The following BRD1 variants were observed in gnomAD, a reference collection of about 807,000 sequenced individuals.
BRD1 encodes the protein bromodomain containing 1, also known as bromodomain-containing protein 1.
A neutral mutation model predicts 107.7 loss-of-function variants in BRD1; 24 were observed. The ratio of observed to expected loss-of-function variants is 0.22; its 90% confidence interval spans 0.16 to 0.31. The LOEUF (loss-of-function observed/expected upper bound fraction) is 0.31, where lower values mean the gene tolerates loss of function less well. Among genes scored for constraint, BRD1 ranks in the 10% least tolerant of loss-of-function variants. The pLI is 1.00. For missense variants in BRD1, 1,279 were observed against 1,638.6 expected, an observed-to-expected ratio of 0.78 and a Z score of 3.79; for synonymous variants, 744 against 686.1, an observed-to-expected ratio of 1.08 and a Z score of -1.32.
At chr22:49,791,294 G>A (rs572386073) in intron 7 of BRD1, among the ~76,000 whole-genome samples, 17 of 152,348 alleles carry the variant, frequency 1.1e-4, no homozygotes, top group Admixed American at 2.6e-4. Context: ...GGGGCAGACC[G>A]GGGCCAACAG....
chr22:49,790,246 A>G (rs181828969), intron 7 of BRD1, among the ~76,000 whole-genome samples: 2 of 152,256 alleles, frequency 1.3e-5, no homozygotes, highest in East Asian at 3.9e-4. Flanking sequence ...AATCAGAAAA[A>G]AACAGGACCT....
chr22:49,814,055 G>GAAA (rs2147299891), intron 2 of BRD1, among the ~76,000 whole-genome samples: 1 of 151,972 alleles, frequency 6.6e-6, no homozygotes, highest in African/African-American at 2.4e-5. Context: ...GTGCACGAAC[G>GAAA]GAATTCCATG....
At chr22:49,822,919 T>C in intron 2 of BRD1, 32 bp downstream of exon 2, 1 of 1,605,844 alleles carries the variant, frequency 6.2e-7, no homozygotes, top group African/African-American at 1.3e-5. Flanking sequence ...CACTGCAGGC[T>C]CCTTGTGGAC....
chr22:49,827,317 G>C (rs1380039313), intron 1 of BRD1, among the ~76,000 whole-genome samples, 180 bp downstream of exon 1: 1 of 149,320 alleles, frequency 6.7e-6, no homozygotes, highest in Non-Finnish European at 1.5e-5. Flanking sequence ...CTCCCCGCCC[G>C]GCCTCCCCGG....
rs914226340 is a variant in BRD1, at chr22:49,787,308, C to CG, written c.2857+81_2857+82insC. ...AAAACAGAAGCTGGACACCCCCCCC[C>CG]CCCCGTCACACCAATGATCCTGAAG... On this transcript the variant is annotated intron_variant, in intron 8 of 12. Coordinates refer to ENST00000404760, the MANE Select transcript of BRD1 (RefSeq NM_001304808.3). 4.6e-5 allele frequency: 51 copies of CG among 1,097,086 alleles called. No homozygotes were observed. In the Admixed American group the frequency reaches 1.4e-3, roughly 30 times the overall value. The allele number at this position is 1,097,086 out of a possible 1,614,324, so 68.0% of individuals were successfully genotyped here. A position where few individuals can be genotyped will look rare whatever the true frequency, so the allele number is the denominator to read the frequency against.
intron 5 of BRD1, 29 bp downstream of exon 5, chr22:49,798,529 C>A: frequency 6.2e-7 from 1 of 1,614,092 alleles, no homozygotes; most frequent in Non-Finnish European, 8.5e-7. Flanking sequence ...ACACATGCGG[C>A]AGGACAGACG....
At chr22:49,776,468 C>T (rs1056799349) in intron 10 of BRD1, among the ~76,000 whole-genome samples, 7 of 152,204 alleles carry the variant, frequency 4.6e-5, no homozygotes, top group African/African-American at 7.2e-5. Flanking sequence ...GCCGCAAGGA[C>T]GGGGCTCCCA....
chr22:49,813,558 A>G (rs1049949135), intron 2 of BRD1, among the ~76,000 whole-genome samples: 3 of 149,696 alleles, frequency 2.0e-5, no homozygotes, highest in Middle Eastern at 3.4e-3. Flanking sequence ...GCCAGGAGCC[A>G]TTAATGGCTC....
At chr22:49,774,438 C>A in intron 12 of BRD1, 22 bp from the exon 13 acceptor site, 1 of 1,595,926 alleles carries the variant, frequency 6.3e-7, no homozygotes, top group Middle Eastern at 1.7e-4. Context: ...GAAAAACAAG[C>A]GGAAAATCAT....
intron 2 of BRD1, among the ~76,000 whole-genome samples, chr22:49,822,144 G>A (rs569168965): frequency 5.9e-5 from 9 of 152,348 alleles, no homozygotes; most frequent in East Asian, 3.9e-4. Flanking sequence ...CTTCACGCAC[G>A]GCTGGGCATG....
intron 6 of BRD1, 88 bp from the exon 7 acceptor site, chr22:49,794,382 G>A (rs1025069370): frequency 5.9e-6 from 9 of 1,513,044 alleles, no homozygotes; most frequent in South Asian, 2.6e-5. Flanking sequence ...AATCACCTTC[G>A]GCCAAGGCCC....
chr22:49,795,679 C>T (rs1311957783), intron 6 of BRD1, among the ~76,000 whole-genome samples: 5 of 152,244 alleles, frequency 3.3e-5, no homozygotes, highest in African/African-American at 9.6e-5. Context: ...CAGCGTACGT[C>T]CTGAGCAGCC....
At chr22:49,800,878 T>C (rs1017927927) in intron 3 of BRD1, among the ~76,000 whole-genome samples, 8 of 152,186 alleles carry the variant, frequency 5.3e-5, no homozygotes, top group South Asian at 2.1e-4. Context: ...TCCAGACACA[T>C]GGGGGAGACA....
rs372388762 is a variant in BRD1, at chr22:49,824,078, G to C, written c.240C>G (p.Ser80Arg). 3 of 1,613,914 alleles carry C rather than the reference G, an allele frequency of 1.9e-6. No individual in the cohort carries two copies. The highest frequency in any genetic ancestry group is 2.5e-6 in the Non-Finnish European group (3 of 1,180,030). ...MSECNSNKEN[S>R]ERPPVCLRTK... ...TTCTTAAGCAGACAGGAGGCCGCTC[G>C]CTGTTTTCCTTGTTGCTGTTGCACT... is the stretch of plus-strand genomic sequence containing the variant. Residue 80 changes from serine (S) to arginine (R), a missense_variant, in exon 2 of 13, where the codon AGC (serine) becomes AGG (arginine). Physicochemically the swap from Ser to Arg is moderately radical, Grantham distance 110. This residue lies in a region of BRD1 where 223 missense variants were observed against 263.5 expected (regional missense o/e 0.85). Transcript: ENST00000404760. This position sits in a 1 kb window ranked among gnomAD's most constrained non-coding sequence, Gnocchi z 5.9.
chr22:49,794,188 G>A lies in BRD1; in HGVS notation c.2205C>T (p.Gly735=), dbSNP rs2059488190. 1 of 1,614,132 alleles carries A rather than the reference G, an allele frequency of 6.2e-7. No individual in the cohort carries two copies. The highest frequency in any genetic ancestry group is 1.7e-5 in the Admixed American group (1 of 60,012). Residue 735 remains glycine (G), a synonymous_variant, in exon 7 of 13, where the codon GGC becomes GGT. Transcript: ENST00000404760. ...LDLTCAMKSS[G]SRSKRAKLLK... Reference sequence around the variant, plus strand: ...GCAGCTTTGCCCGCTTGCTCCGGGAGCCGCTGGACTTCATAGCGCAGGTGA... The same window carrying A: ...GCAGCTTTGCCCGCTTGCTCCGGGAACCGCTGGACTTCATAGCGCAGGTGA...
intron 3 of BRD1, among the ~76,000 whole-genome samples, chr22:49,801,131 G>A (rs2059632494): frequency 6.6e-6 from 1 of 152,250 alleles, no homozygotes; most frequent in Admixed American, 6.5e-5. Context: ...ACAGACACTG[G>A]GAAAGCTGCA....
intron 8 of BRD1, among the ~76,000 whole-genome samples, chr22:49,778,762 C>T (rs1408816020): frequency 2.0e-5 from 3 of 152,100 alleles, no homozygotes; most frequent in Admixed American, 1.3e-4. Context: ...CCCGGGTTCA[C>T]GCCATTCTCC....
At chr22:49,811,709 C>T (rs190376167) in intron 2 of BRD1, among the ~76,000 whole-genome samples, 1 of 152,340 alleles carries the variant, frequency 6.6e-6, no homozygotes, top group East Asian at 1.9e-4. Flanking sequence ...CCATGGGCAA[C>T]TGACACCATG....
chr22:49,824,106 C>T lies in BRD1; in HGVS notation c.212G>A (p.Ser71Asn). Residue 71 changes from serine to asparagine, a missense_variant, in exon 2 of 13, where the codon AGT (serine) becomes AAT (asparagine). Around this residue, in one of 7 missense-constraint regions of BRD1, gnomAD observed 223 missense variants for 263.5 expected, o/e 0.85. Transcript: ENST00000404760. The surrounding 1 kb of genome is among the most constrained non-coding windows in gnomAD (Gnocchi z 5.9). ...GTTTTCCTTGTTGCTGTTGCACTCA[C>T]TCATCTCTTGAGCAGTGAGGTCATC... ...LEDDLTAQEM[S>N]ECNSNKENSE... 6.2e-7 allele frequency: 1 copy of T among 1,614,044 alleles called. No individual in the cohort carries two copies. The highest frequency in any genetic ancestry group is 8.5e-7 in the Non-Finnish European group (1 of 1,180,044).
Sources: gnomAD v4.1 joint callset for allele counts (sites outside exome capture counted in the v4.1 genomes callset) on GRCh38, gnomAD v4.1.1 for gene constraint, gnomAD v4.1.1 regional missense constraint, Gnocchi (gnomAD v3.1) non-coding constraint, MANE v1.5 for transcripts, NCBI Gene and HGNC (gene_info 2026-07-23, HGNC 2026-07-21) for gene names.